CDK14: variants seen among roughly 807,000 people sequenced by gnomAD.
CDK14 encodes the protein cyclin-dependent kinase 14.
CDK14 carries 34 observed loss-of-function variants against 60.7 expected under a neutral mutation model. The observed-to-expected ratio is 0.56, with a 90% CI of 0.43 to 0.75. The LOEUF is 0.75. Ranked by LOEUF, CDK14 falls within the 30% of genes least tolerant of loss-of-function variation. The probability of loss-of-function intolerance (pLI) is 0.00; values close to 1 mark genes in which losing one functional copy is unlikely to be tolerated. For synonymous variants in CDK14, 197 were observed against 203.7 expected (o/e 0.97, Z 0.28); for missense variants, 482 against 564.1 (o/e 0.85, Z 1.47).
intron 3 of CDK14, among the ~76,000 whole-genome samples, chr7:90,733,141 T>TA (rs1802942345): frequency 6.6e-6 from 1 of 152,186 alleles, no homozygotes; most frequent in Non-Finnish European, 1.5e-5. Flanking sequence ...TCCATGTACT[T>TA]ATGTGGTTTT....
At chr7:90,961,611 T>G (rs897693632) in intron 9 of CDK14, among the ~76,000 whole-genome samples, 1 of 152,220 alleles carries the variant, frequency 6.6e-6, no homozygotes, top group Non-Finnish European at 1.5e-5. Context: ...CCAAGGAACA[T>G]ATGAATTAGT....
At chr7:91,105,024 C>T (rs760674036) in intron 12 of CDK14, among the ~76,000 whole-genome samples, 1 of 152,180 alleles carries the variant, frequency 6.6e-6, no homozygotes, top group Non-Finnish European at 1.5e-5. Context: ...AAAAATATCT[C>T]TTCTACTACT....
At chr7:90,719,600 A>T (rs374047191) in intron 2 of CDK14, among the ~76,000 whole-genome samples, 1 of 152,328 alleles carries the variant, frequency 6.6e-6, no homozygotes, top group South Asian at 2.1e-4. Flanking sequence ...TTGCCAGCAA[A>T]TGAACAAGTT....
At chr7:91,155,785 T>A (rs761396260) in intron 14 of CDK14, among the ~76,000 whole-genome samples, 1 of 152,228 alleles carries the variant, frequency 6.6e-6, no homozygotes, top group Non-Finnish European at 1.5e-5. Context: ...AAGATTTCTG[T>A]TGGGTTTATA....
chr7:91,056,893 G>A (rs1797588491), intron 11 of CDK14, among the ~76,000 whole-genome samples: 2 of 152,126 alleles, frequency 1.3e-5, no homozygotes, highest in South Asian at 4.1e-4. Flanking sequence ...CTTTATAGCA[G>A]CATGATTTAT....
chr7:91,187,368 C>T (rs761764938), intron 14 of CDK14, among the ~76,000 whole-genome samples: 1 of 152,182 alleles, frequency 6.6e-6, no homozygotes, highest in Admixed American at 6.5e-5. Context: ...CAACTTCTTC[C>T]AAACATTTCT....
chr7:90,747,047 A>G (rs1324983265), intron 3 of CDK14, among the ~76,000 whole-genome samples: 1 of 152,210 alleles, frequency 6.6e-6, no homozygotes, highest in Non-Finnish European at 1.5e-5. Context: ...GCTGTGTTGT[A>G]GTTTGAAAAC....
intron 2 of CDK14, among the ~76,000 whole-genome samples, chr7:90,623,630 G>A (rs1056145403): frequency 9.2e-5 from 14 of 151,956 alleles, no homozygotes; most frequent in African/African-American, 3.1e-4. Flanking sequence ...TTTTTTCAGT[G>A]ATTTTAAGGT....
At chr7:90,645,109 T>C (rs1164163924) in intron 2 of CDK14, among the ~76,000 whole-genome samples, 1 of 152,192 alleles carries the variant, frequency 6.6e-6, no homozygotes, top group Non-Finnish European at 1.5e-5. Context: ...GGAATTTACA[T>C]TGTATAGAGA....
chr7:90,643,520 T>G (rs11563415), intron 2 of CDK14, among the ~76,000 whole-genome samples: 10,707 of 152,248 alleles, frequency 0.07, 772 homozygotes, highest in East Asian at 0.39. Flanking sequence ...TGGATTTAGC[T>G]GGTCCAGTAG....
intron 8 of CDK14, among the ~76,000 whole-genome samples, chr7:90,918,839 G>A (rs1793160628): frequency 6.6e-6 from 1 of 151,904 alleles, no homozygotes; most frequent in African/African-American, 2.4e-5. Flanking sequence ...TACTTTGTTG[G>A]GTTTTATAAA....
chr7:90,694,624 T>C (rs1801619848), intron 2 of CDK14, among the ~76,000 whole-genome samples: 1 of 152,236 alleles, frequency 6.6e-6, no homozygotes. Context: ...AATTTTCTTT[T>C]TGAATATTTT....
At chr7:90,662,468 T>C (rs1392227068) in intron 2 of CDK14, among the ~76,000 whole-genome samples, 1 of 152,190 alleles carries the variant, frequency 6.6e-6, no homozygotes, top group Non-Finnish European at 1.5e-5. Context: ...TCTGTTGCCT[T>C]TGGGGTGATT....
chr7:90,972,014 CTTTTGTTTTTAT>C (rs1794946499), intron 9 of CDK14, among the ~76,000 whole-genome samples: 1 of 152,092 alleles, frequency 6.6e-6, no homozygotes, highest in African/African-American at 2.4e-5. Flanking sequence ...TTATTTTTTA[CTTTTGTTTTTAT>C]TCTGATATGC....
intron 10 of CDK14, among the ~76,000 whole-genome samples, chr7:91,036,033 C>T (rs556928744): frequency 1.3e-5 from 2 of 152,122 alleles, no homozygotes; most frequent in South Asian, 2.1e-4. Context: ...TTAGTAGAGA[C>T]GGGGTTTCAC....
chr7:91,064,830 G>A (rs1440933284), intron 11 of CDK14, among the ~76,000 whole-genome samples: 1 of 152,164 alleles, frequency 6.6e-6, no homozygotes, highest in Non-Finnish European at 1.5e-5. Context: ...TTTTTCTCCT[G>A]CTTTCTTTTC....
At chr7:90,978,536 C>T (rs1795138916) in intron 9 of CDK14, among the ~76,000 whole-genome samples, 1 of 151,986 alleles carries the variant, frequency 6.6e-6, no homozygotes, top group Admixed American at 6.6e-5. Context: ...TACTTCCAAG[C>T]ATGATATAAT....
chr7:90,649,235 A>AGTTTCTTTCTTTCTTTCTTT (rs1365259933), intron 2 of CDK14, among the ~76,000 whole-genome samples: 8 of 118,804 alleles, frequency 6.7e-5, no homozygotes, highest in East Asian at 8.7e-4. Flanking sequence ...TCTAGCCTAT[A>AGTTTCTTTCTTTCTTTCTTT]GTTTCTTTCT....
intron 14 of CDK14, among the ~76,000 whole-genome samples, chr7:91,200,036 C>G (rs1802668770): frequency 6.6e-6 from 1 of 152,148 alleles, no homozygotes; most frequent in African/African-American, 2.4e-5. Context: ...CTCCTACCCC[C>G]TTCTCAAGGA....
Sources: gnomAD v4.1 joint callset for allele counts (sites outside exome capture counted in the v4.1 genomes callset) on GRCh38, gnomAD v4.1.1 for gene constraint, MANE v1.5 for transcripts, NCBI Gene and HGNC (gene_info 2026-07-23, HGNC 2026-07-21) for gene names.